The following ATF7IP2 variants were observed in gnomAD, a reference collection of about 807,000 sequenced individuals.
ATF7IP2 encodes the protein activating transcription factor 7 interacting protein 2, also known as activating transcription factor 7-interacting protein 2.
ATF7IP2 carries 42 observed loss-of-function variants against 64.2 expected under a neutral mutation model. The observed-to-expected ratio is 0.65, with a 90% CI of 0.51 to 0.85. The LOEUF (loss-of-function observed/expected upper bound fraction) is 0.85. ATF7IP2 is among the 40% of genes least tolerant of loss of function. ATF7IP2 has a pLI of 0.00. For missense variants in ATF7IP2, 933 were observed against 784.2 expected (o/e 1.19, Z -2.27); for synonymous variants, 308 against 272.8 (o/e 1.13, Z -1.27).
At chr16:10,420,397 G>A (rs1046546315) in intron 3 of ATF7IP2, among the ~76,000 whole-genome samples, 10 of 152,212 alleles carry the variant, frequency 6.6e-5, no homozygotes, top group Non-Finnish European at 1.2e-4. Flanking sequence ...GTTCTAATCT[G>A]CGAGGATTAA....
In ATF7IP2 at chr16:10,440,388, C is replaced by T. The variant is rs767736915; in HGVS notation, c.1120C>T (p.Arg374Cys). ...GGCAAAAATAGCAAAACTTCAAAGA[C>T]GTATTAAAACAGTATTATTATTTCA... ...LLAKIAKLQRRIKTVLLFQRN... is the reference protein window; with the variant it reads ...LLAKIAKLQRCIKTVLLFQRN... Residue 374 changes from arginine to cysteine, a missense_variant, in exon 8 of 14, where the codon CGT becomes TGT. Coordinates refer to ENST00000562102, the MANE Select transcript of ATF7IP2 (RefSeq NM_001393719.1). The T allele has an allele frequency of 1.2e-5, 18 of 1,550,424 alleles. No individual in the cohort carries two copies. The highest frequency in any genetic ancestry group is 1.7e-4 in the Middle Eastern group (1 of 5,892).
chr16:10,436,086 C>T (rs76083987), intron 6 of ATF7IP2, among the ~76,000 whole-genome samples: 2,722 of 152,190 alleles, frequency 0.018, 75 homozygotes, highest in African/African-American at 0.062. Flanking sequence ...ATTGGCCGGG[C>T]GTGGTGGCTC....
At chr16:10,456,190 T>C (rs1319541540) in intron 8 of ATF7IP2, among the ~76,000 whole-genome samples, 3 of 151,326 alleles carry the variant, frequency 2.0e-5, no homozygotes, top group South Asian at 4.2e-4. Context: ...CTTTTCACAA[T>C]GTGAGAAAAA....
intron 5 of ATF7IP2, among the ~76,000 whole-genome samples, chr16:10,432,942 G>A (rs1400321877): frequency 1.3e-5 from 2 of 152,144 alleles, no homozygotes; most frequent in South Asian, 2.1e-4. Flanking sequence ...TATAAATAGA[G>A]AATTAAATGC....
Position 10,419,367 on chromosome 16 carries a change from C to T in ATF7IP2, c.-202-214C>T, listed in dbSNP as rs116027926. Among the ~76,000 whole-genome samples, 1,233 of 152,172 alleles carry T rather than the reference C, an allele frequency of 8.1e-3. 12 individuals carry two copies. The highest frequency in any genetic ancestry group is 0.027 in the African/African-American group (1,137 of 41,518). Reference sequence around the variant, plus strand: ...GACGGGCCTCTATTATCTGTAGGACCGAGCATCCAAGAGCTATCATTAGTG... The same window carrying T: ...GACGGGCCTCTATTATCTGTAGGACTGAGCATCCAAGAGCTATCATTAGTG... On this transcript the variant is annotated intron_variant, in intron 2 of 13. Transcript: ENST00000562102.
intron 8 of ATF7IP2, chr16:10,446,832 T>C (rs969875575): frequency 2.0e-5 from 3 of 152,224 alleles, no homozygotes; most frequent in Non-Finnish European, 4.4e-5. Flanking sequence ...ATATCCCCTA[T>C]TGGAAGTTTC....
chr16:10,393,293 G>A (rs1294529903), intron 1 of ATF7IP2, among the ~76,000 whole-genome samples: 1 of 130,400 alleles, frequency 7.7e-6, no homozygotes, highest in Non-Finnish European at 1.6e-5. Context: ...TCCAGGCTGG[G>A]TGACAGAGTG....
intron 1 of ATF7IP2, among the ~76,000 whole-genome samples, chr16:10,388,116 C>A (rs1008633348): frequency 2.0e-5 from 3 of 152,074 alleles, no homozygotes; most frequent in African/African-American, 7.2e-5. Flanking sequence ...GTCTCGAATT[C>A]CTGACCTCAG....
In ATF7IP2 at chr16:10,396,949, G is replaced by C. The variant is rs141036503; in HGVS notation, c.-242+10827G>C. 2.7e-3 allele frequency among the ~76,000 whole-genome samples: 413 copies of C among 152,180 alleles called. 4 individuals are homozygous for C. Among genetic ancestry groups the C allele is most frequent in the African/African-American group, 9.5e-3 (393 of 41,516 alleles). On this transcript the variant is annotated intron_variant, in intron 1 of 13. Transcript: ENST00000562102. ...CCCAAAGTGTTGGGATTACAGGCAT[G>C]AGCTACCACGCCCAGCCTACATTTA...
rs1039250493 is a variant in ATF7IP2, at chr16:10,472,442, T to C, written c.1426+259T>C. Among the ~76,000 whole-genome samples, 4 of 152,330 alleles carry C rather than the reference T, an allele frequency of 2.6e-5. No individual in the cohort carries two copies. The East Asian group carries it at 7.7e-4, about 29-fold the overall frequency. On this transcript the variant is annotated intron_variant, in intron 10 of 13. Coordinates refer to ENST00000562102, the MANE Select transcript of ATF7IP2 (RefSeq NM_001393719.1). ...ATGTGTTTAATGACTTTATAACTTG[T>C]AAAAACTACTTATTTTTAATGGTTT...
Position 10,431,212 on chromosome 16 carries a change from G to A in ATF7IP2, c.592G>A (p.Val198Ile), listed in dbSNP as rs1364643428. ...GGGTGACAAGAAAACTGACCAGATG[G>A]TTTTCCATTTAGAAACAAACTCCAA... is the stretch of plus-strand genomic sequence containing the variant. The part of the protein sequence containing the change: ...TVGDKKTDQM[V>I]FHLETNSNSE... Residue 198 changes from valine (V) to isoleucine (I), a missense_variant, in exon 5 of 14, where the codon GTT (valine) becomes ATT (isoleucine). By Grantham distance (29) the Val-to-Ile change is conservative (BLOSUM62 3). Transcript: ENST00000562102. 2.5e-6 allele frequency: 4 copies of A among 1,614,180 alleles called. No individual in the cohort carries two copies. Among genetic ancestry groups the A allele is most frequent in the Admixed American group, 1.7e-5 (1 of 60,022 alleles).
At chr16:10,450,991 C>G (rs2048966403) in intron 8 of ATF7IP2, among the ~76,000 whole-genome samples, 1 of 152,154 alleles carries the variant, frequency 6.6e-6, no homozygotes, top group African/African-American at 2.4e-5. Flanking sequence ...CTTTCAGGAG[C>G]TCTTGTAAGG....
intron 1 of ATF7IP2, among the ~76,000 whole-genome samples, chr16:10,397,878 A>C (rs2047449826): frequency 6.6e-6 from 1 of 152,030 alleles, no homozygotes; most frequent in South Asian, 2.1e-4. Context: ...AAAAAAGGCA[A>C]AGGACCTGAA....
At position 10,474,673 on chromosome 16, in the gene ATF7IP2, C is replaced by T. The variant is rs1354124066; in HGVS notation, c.1549+684C>T. Among the ~76,000 whole-genome samples, 3 of 152,186 alleles carry T rather than the reference C, an allele frequency of 2.0e-5. No homozygotes were observed. The East Asian group carries it at 5.8e-4, about 29-fold the overall frequency. On this transcript the variant is annotated intron_variant, in intron 12 of 13. Transcript: ENST00000562102. ...GAATTTAATGAAAAGTATAAACCCACATACCCAAGGTGTTTAAAAAACTCC... is the reference window on the plus strand; with the variant it reads ...GAATTTAATGAAAAGTATAAACCCATATACCCAAGGTGTTTAAAAAACTCC...
chr16:10,407,663 A>T (rs2047670700), intron 1 of ATF7IP2, among the ~76,000 whole-genome samples: 1 of 152,180 alleles, frequency 6.6e-6, no homozygotes, highest in African/African-American at 2.4e-5. Context: ...TTATTTCTGT[A>T]GGTTATTCAG....
intron 5 of ATF7IP2, among the ~76,000 whole-genome samples, chr16:10,431,820 CTTTT>C (rs35046235): frequency 1.8e-5 from 2 of 113,296 alleles, no homozygotes. Context: ...AACCCTATTT[CTTTT>C]TTTTTTTTTT....
intron 9 of ATF7IP2, among the ~76,000 whole-genome samples, chr16:10,470,823 G>GTGTGTATA (rs1448477600): frequency 7.0e-6 from 1 of 143,832 alleles, no homozygotes; most frequent in African/African-American, 2.7e-5. Flanking sequence ...ATGTGTGTGT[G>GTGTGTATA]TATATATATA....
At position 10,406,512 on chromosome 16, in the gene ATF7IP2, A is replaced by G. The variant is rs867642637; in HGVS notation, c.-241-8062A>G. Among the ~76,000 whole-genome samples, 4 of 152,250 alleles carry G rather than the reference A, an allele frequency of 2.6e-5. No individual in the cohort carries two copies. The South Asian group carries it at 6.2e-4, about 24-fold the overall frequency. Reference sequence around the variant, plus strand: ...AAGAAGTAATAAAGATCATTGCAGAAGAAACAAAAGATCAATGAAATGAAA... The same window carrying G: ...AAGAAGTAATAAAGATCATTGCAGAGGAAACAAAAGATCAATGAAATGAAA... On this transcript the variant is annotated intron_variant, in intron 1 of 13. Coordinates refer to ENST00000562102, the MANE Select transcript of ATF7IP2 (RefSeq NM_001393719.1).
At chr16:10,399,351 G>A (rs929945147) in intron 1 of ATF7IP2, among the ~76,000 whole-genome samples, 54 of 152,290 alleles carry the variant, frequency 3.5e-4, no homozygotes, top group East Asian at 7.7e-4. Context: ...TTTAATGAGA[G>A]TTTATTTTTA....
Sources: gnomAD v4.1 joint callset for allele counts (sites outside exome capture counted in the v4.1 genomes callset) on GRCh38, gnomAD v4.1.1 for gene constraint, MANE v1.5 for transcripts, NCBI Gene and HGNC (gene_info 2026-07-23, HGNC 2026-07-21) for gene names.